Variants in CDH13 observed in about 807,000 individuals in gnomAD.
CDH13 encodes the protein cadherin 13, also known as cadherin-13.
CDH13 carries 24 observed loss-of-function variants against 63.8 expected under a neutral mutation model. That is an observed-to-expected ratio of 0.38 (90% CI 0.27 to 0.53). The LOEUF is 0.53. CDH13 is among the 20% of genes least tolerant of loss of function. CDH13 has a pLI of 0.85. For synonymous variants in CDH13, 503 were observed against 355.3 expected, an observed-to-expected ratio of 1.42 and a Z score of -4.67; for missense variants, 1,049 against 903.1, an observed-to-expected ratio of 1.16 and a Z score of -2.07.
At chr16:83,355,177 G>A (rs1190370579) in intron 6 of CDH13, among the ~76,000 whole-genome samples, 2 of 152,156 alleles carry the variant, frequency 1.3e-5, no homozygotes, top group Non-Finnish European at 1.5e-5. Context: ...AATGTTCTAG[G>A]CATGAGAAAA....
At chr16:82,717,073 G>T (rs1192788324) in intron 1 of CDH13, among the ~76,000 whole-genome samples, 2 of 152,022 alleles carry the variant, frequency 1.3e-5, no homozygotes, top group African/African-American at 4.8e-5. Flanking sequence ...AGTCACACTT[G>T]GCTGCTGGAG....
At chr16:83,104,045 A>G (rs760595377) in intron 3 of CDH13, among the ~76,000 whole-genome samples, 2 of 152,218 alleles carry the variant, frequency 1.3e-5, no homozygotes, top group African/African-American at 2.4e-5. Context: ...GTATTTGCCA[A>G]TGCAGACTTT....
chr16:83,482,345 G>A (rs780136598), intron 6 of CDH13, among the ~76,000 whole-genome samples: 12 of 152,210 alleles, frequency 7.9e-5, no homozygotes, highest in Non-Finnish European at 1.8e-4. Context: ...AAGATAGACA[G>A]TTCTGAAATA....
intron 6 of CDH13, among the ~76,000 whole-genome samples, chr16:83,431,461 T>C (rs2072106776): frequency 6.6e-6 from 1 of 151,898 alleles, no homozygotes; most frequent in Non-Finnish European, 1.5e-5. Flanking sequence ...TGGAGGTCTT[T>C]GTAGGTCATT....
intron 1 of CDH13, among the ~76,000 whole-genome samples, chr16:82,816,434 A>C (rs1220514357): frequency 6.6e-6 from 1 of 152,152 alleles, no homozygotes; most frequent in Non-Finnish European, 1.5e-5. Flanking sequence ...TTTGTGCATG[A>C]AGATGGCAAA....
intron 10 of CDH13, chr16:83,721,179 G>T (rs1323583543): frequency 2.0e-5 from 3 of 152,376 alleles, no homozygotes; most frequent in Admixed American, 1.3e-4. Flanking sequence ...TCACCTGAAG[G>T]TCACCACCAG....
chr16:83,581,557 A>T (rs561731570), intron 7 of CDH13, among the ~76,000 whole-genome samples: 3 of 152,106 alleles, frequency 2.0e-5, no homozygotes, highest in Admixed American at 1.3e-4. Context: ...AGTGGCTCAC[A>T]CCTGTAATCC....
intron 1 of CDH13, among the ~76,000 whole-genome samples, chr16:82,750,822 C>A (rs1254513912): frequency 6.6e-6 from 1 of 152,016 alleles, no homozygotes; most frequent in African/African-American, 2.4e-5. Context: ...CTCTGATTTC[C>A]AATTTTCTGT....
chr16:82,897,132 A>G (rs1485186425), intron 2 of CDH13, among the ~76,000 whole-genome samples: 1 of 152,102 alleles, frequency 6.6e-6, no homozygotes. Context: ...AGAGTACTTG[A>G]GCCAAAGTTG....
chr16:83,781,993 G>A (rs919477586), intron 12 of CDH13, among the ~76,000 whole-genome samples: 8 of 151,822 alleles, frequency 5.3e-5, no homozygotes, highest in Admixed American at 2.0e-4. Flanking sequence ...GGAAAATGCT[G>A]TTTGATTTAA....
At chr16:82,965,789 G>A (rs1486399068) in intron 2 of CDH13, among the ~76,000 whole-genome samples, 4 of 152,228 alleles carry the variant, frequency 2.6e-5, no homozygotes, top group African/African-American at 7.2e-5. Flanking sequence ...CACTGCTCCC[G>A]GCCAGTAAAC....
intron 1 of CDH13, among the ~76,000 whole-genome samples, chr16:82,714,952 T>C (rs2032256763): frequency 8.4e-6 from 1 of 118,404 alleles, no homozygotes. Context: ...GCGATCACAT[T>C]TCTCTTGTTT....
intron 4 of CDH13, among the ~76,000 whole-genome samples, chr16:83,180,163 TTTG>T (rs2038292571): frequency 6.6e-6 from 1 of 152,180 alleles, no homozygotes; most frequent in African/African-American, 2.4e-5. Context: ...TGTTGGTTTG[TTTG>T]TTTGTTTTTT....
At chr16:83,008,679 G>A (rs1189843703) in intron 2 of CDH13, among the ~76,000 whole-genome samples, 1 of 152,166 alleles carries the variant, frequency 6.6e-6, no homozygotes, top group African/African-American at 2.4e-5. Context: ...GGAAATCAGT[G>A]AGGAGCTTAC....
At chr16:83,555,116 G>A (rs1006420710) in intron 7 of CDH13, among the ~76,000 whole-genome samples, 3 of 152,140 alleles carry the variant, frequency 2.0e-5, no homozygotes, top group Non-Finnish European at 4.4e-5. Flanking sequence ...GAGAGAGCGA[G>A]CTACTTTGGT....
intron 5 of CDH13, among the ~76,000 whole-genome samples, chr16:83,280,627 G>T (rs915537742): frequency 3.3e-5 from 5 of 152,154 alleles, no homozygotes; most frequent in Admixed American, 1.3e-4. Context: ...TTTCCCGAAG[G>T]TTTTCAGTTT....
chr16:82,699,551 G>A (rs948798301), intron 1 of CDH13, among the ~76,000 whole-genome samples: 2 of 152,180 alleles, frequency 1.3e-5, no homozygotes, highest in African/African-American at 2.4e-5. Context: ...CTGCCTTCCA[G>A]CAAGATTTCC....
intron 2 of CDH13, among the ~76,000 whole-genome samples, chr16:82,862,415 G>T (rs917194575): frequency 1.3e-5 from 2 of 152,164 alleles, no homozygotes; most frequent in Non-Finnish European, 2.9e-5. Flanking sequence ...ATTTTTTCCA[G>T]CAAATGGAAA....
At position 83,602,609 on chromosome 16, in the gene CDH13, C is replaced by T; in HGVS notation, c.1101+15C>T. 1 of 1,613,536 alleles carries T rather than the reference C, an allele frequency of 6.2e-7. No individual in the cohort carries two copies. Among genetic ancestry groups the T allele is most frequent in the African/African-American group, 1.3e-5 (1 of 75,028 alleles). ...CCAAGAAAGAGGTAAACCCCTGTGC[C>T]AAACACCAACCACCACTGTGGTCAC... On this transcript the variant is annotated intron_variant, in intron 8 of 13. Transcript: ENST00000567109.
Sources: gnomAD v4.1 joint callset for allele counts (sites outside exome capture counted in the v4.1 genomes callset) on GRCh38, gnomAD v4.1.1 for gene constraint, MANE v1.5 for transcripts, NCBI Gene and HGNC (gene_info 2026-07-23, HGNC 2026-07-21) for gene names.